The following SMAD2 variants were observed in gnomAD, a reference collection of about 807,000 sequenced individuals.
SMAD2 encodes the protein SMAD family member 2.
Under a neutral mutation model 64.4 loss-of-function variants are expected in SMAD2, and 8 were observed. The ratio of observed to expected loss-of-function variants is 0.12; its 90% confidence interval spans 0.07 to 0.22. The LOEUF (loss-of-function observed/expected upper bound fraction) is 0.22. SMAD2 is among the 10% of genes least tolerant of loss of function. The pLI is 1.00. For synonymous variants in SMAD2, 203 were observed against 195.8 expected (o/e 1.04, Z -0.31); for missense variants, 289 against 561.2 (o/e 0.51, Z 4.90).
intron 2 of SMAD2, chr18:47,878,147 A>G (rs1202177408): frequency 1.3e-5 from 2 of 152,222 alleles, no homozygotes; most frequent in Admixed American, 6.5e-5. Flanking sequence ...CCCAAGCTGT[A>G]CAGAGCTCTA....
chr18:47,877,907 T>A (rs1165098728), intron 2 of SMAD2, among the ~76,000 whole-genome samples: 1 of 152,234 alleles, frequency 6.6e-6, no homozygotes, highest in African/African-American at 2.4e-5. Flanking sequence ...AGTGCTCACA[T>A]TCCTTCATAA....
chr18:47,890,468 A>G (rs1261433733), intron 2 of SMAD2, among the ~76,000 whole-genome samples: 1 of 152,262 alleles, frequency 6.6e-6, no homozygotes, highest in African/African-American at 2.4e-5. Flanking sequence ...ACAAAAATAG[A>G]GAACGAAGAC....
chr18:47,856,943 C>T (rs2030748695), intron 6 of SMAD2, among the ~76,000 whole-genome samples: 1 of 148,908 alleles, frequency 6.7e-6, no homozygotes, highest in African/African-American at 2.5e-5. Flanking sequence ...CTGCAAGCTC[C>T]GCCTCCCGGG....
chr18:47,875,762 T>C (rs2032227367), intron 2 of SMAD2, among the ~76,000 whole-genome samples: 1 of 152,124 alleles, frequency 6.6e-6, no homozygotes, highest in South Asian at 2.1e-4. Context: ...AAATATTTAA[T>C]GACAATTGTC....
intron 1 of SMAD2, among the ~76,000 whole-genome samples, chr18:47,901,791 T>C (rs2033696234): frequency 6.6e-6 from 1 of 152,192 alleles, no homozygotes; most frequent in Non-Finnish European, 1.5e-5. Flanking sequence ...TAGCAGATCG[T>C]TATCTTCTAG....
chr18:47,915,521 T>C (rs746500060), intron 1 of SMAD2, among the ~76,000 whole-genome samples: 8 of 152,184 alleles, frequency 5.3e-5, no homozygotes, highest in African/African-American at 1.7e-4. Flanking sequence ...TTTTATACCA[T>C]GTAAAAGCTC....
At chr18:47,883,346 G>A (rs2032716776) in intron 2 of SMAD2, among the ~76,000 whole-genome samples, 1 of 152,078 alleles carries the variant, frequency 6.6e-6, no homozygotes. Flanking sequence ...TCTATTGGTG[G>A]CAGAGAACAT....
Position 47,841,514 on chromosome 18 carries a change from T to A in SMAD2, c.*313A>T. 1 of 454,142 alleles carries A rather than the reference T, an allele frequency of 2.2e-6. No individual in the cohort carries two copies. Among genetic ancestry groups the A allele is most frequent in the Non-Finnish European group, 4.1e-6 (1 of 243,590 alleles). The allele number at this position is 454,142 out of a possible 1,614,324, so 28.1% of individuals were successfully genotyped here. ...TACTGTGATACTGGATCATGATACA[T>A]TACCTGTACACATAACTACTACTGT... is the stretch of plus-strand genomic sequence containing the variant. On this transcript the variant is annotated 3_prime_UTR_variant, in exon 11 of 11. Coordinates refer to ENST00000262160, the MANE Select transcript of SMAD2 (RefSeq NM_005901.6).
At chr18:47,903,162 T>C (rs538044512) in intron 1 of SMAD2, among the ~76,000 whole-genome samples, 5 of 152,076 alleles carry the variant, frequency 3.3e-5, no homozygotes, top group South Asian at 4.2e-4. Context: ...CAAGAGAGTC[T>C]AGACATTGAG....
At chr18:47,930,200 C>G (rs954088741) in intron 1 of SMAD2, 161 bp downstream of exon 1, 1 of 152,406 alleles carries the variant, frequency 6.6e-6, no homozygotes, top group Non-Finnish European at 1.5e-5. Flanking sequence ...CCCGGCTCTC[C>G]GGCCCCGAAC....
intron 7 of SMAD2, among the ~76,000 whole-genome samples, chr18:47,850,239 T>TATA (rs1568039903): frequency 0.013 from 838 of 62,494 alleles, 38 homozygotes; most frequent in African/African-American, 0.055. Flanking sequence ...ATATTATATA[T>TATA]TATATATTAT....
Position 47,812,972 on chromosome 18 carries a change from T to C in SMAD2, c.*28855A>G, listed in dbSNP as rs1912251420. ...GACTCACACCTGTAATCCCAGCAGT[T>C]TGGGAGACCAAGGCAGGTGGATCAC... On this transcript the variant is annotated 3_prime_UTR_variant, in exon 11 of 11. Transcript: ENST00000262160. 1 of 152,184 alleles carries C rather than the reference T, an allele frequency of 6.6e-6. No individual in the cohort carries two copies. Among genetic ancestry groups the C allele is most frequent in the Non-Finnish European group, 1.5e-5 (1 of 68,116 alleles). The allele number at this position is 152,184 out of a possible 1,614,324, so 9.4% of individuals were successfully genotyped here. A position where few individuals can be genotyped will look rare whatever the true frequency, so the allele number is the denominator to read the frequency against.
At chr18:47,870,845 A>C (rs1386304136) in intron 2 of SMAD2, among the ~76,000 whole-genome samples, 1 of 152,176 alleles carries the variant, frequency 6.6e-6, no homozygotes, top group Non-Finnish European at 1.5e-5. Flanking sequence ...TAATGCCCTT[A>C]CCACTTTCCT....
rs1035933732 is a variant in SMAD2, at chr18:47,824,150, A to G, written c.*17677T>C. ...TCAAAGCCTAACTACAAGATGATTC[A>G]TCATAGATACTTTCGGAAAAACATC... On this transcript the variant is annotated 3_prime_UTR_variant, in exon 11 of 11. Transcript: ENST00000262160. 1 of 152,230 alleles carries G rather than the reference A, an allele frequency of 6.6e-6. No individual in the cohort carries two copies. 9.4% of individuals were successfully genotyped at this position (152,230 alleles called of 1,614,324 possible).
intron 2 of SMAD2, among the ~76,000 whole-genome samples, chr18:47,890,053 T>C (rs1316382950): frequency 6.6e-6 from 1 of 152,168 alleles, no homozygotes; most frequent in Non-Finnish European, 1.5e-5. Context: ...AAATGCCCCA[T>C]GCAAGAATAT....
At chr18:47,850,177 C>CAT (rs1190885483) in intron 7 of SMAD2, among the ~76,000 whole-genome samples, 4 of 98,144 alleles carry the variant, frequency 4.1e-5, no homozygotes, top group Non-Finnish European at 5.7e-5. Flanking sequence ...TGCACACTCT[C>CAT]ATATATATAT....
Position 47,840,567 on chromosome 18 carries a change from A to G in SMAD2, c.*1260T>C, listed in dbSNP as rs1913846786. On this transcript the variant is annotated 3_prime_UTR_variant, in exon 11 of 11. Coordinates refer to ENST00000262160, the MANE Select transcript of SMAD2 (RefSeq NM_005901.6). ...TTCTGAATTCATAATTATGTGTAGA[A>G]TAACAATCAATTTATAAACTGAATA... 1 of 232,170 alleles carries G rather than the reference A, an allele frequency of 4.3e-6. No individual in the cohort carries two copies. 14.4% of individuals were successfully genotyped at this position (232,170 alleles called of 1,614,324 possible).
In SMAD2 at chr18:47,841,105, A is replaced by G. The variant is rs1913905174; in HGVS notation, c.*722T>C. ...GGGAATGGAAAAAAGAGGCTTGGAA[A>G]GGTTTTCAGTATGGTTTCCTTATAA... On this transcript the variant is annotated 3_prime_UTR_variant, in exon 11 of 11. Transcript: ENST00000262160. 4.3e-6 allele frequency: 1 copy of G among 231,900 alleles called. No individual in the cohort carries two copies. The highest frequency in any genetic ancestry group is 8.5e-6 in the Non-Finnish European group (1 of 117,454). The allele number at this position is 231,900 out of a possible 1,614,324, so 14.4% of individuals were successfully genotyped here.
chr18:47,913,447 G>T (rs1459463069), intron 1 of SMAD2, among the ~76,000 whole-genome samples: 1 of 152,162 alleles, frequency 6.6e-6, no homozygotes, highest in Non-Finnish European at 1.5e-5. Flanking sequence ...GGAACTAAGT[G>T]AACACTTAAA....
Sources: allele counts gnomAD v4.1 joint callset (sites outside exome capture counted in the v4.1 genomes callset), GRCh38; gene constraint gnomAD v4.1.1; transcripts MANE v1.5; gene names NCBI Gene and HGNC (gene_info 2026-07-23, HGNC 2026-07-21).